Variants in TBC1D22A observed in about 807,000 individuals in gnomAD.
The protein encoded by TBC1D22A is TBC1 domain family member 22A.
Under a neutral mutation model 60.2 loss-of-function variants are expected in TBC1D22A, and 38 were observed. The observed-to-expected ratio is 0.63, with a 90% CI of 0.49 to 0.83. The LOEUF is 0.83. Among genes scored for constraint, TBC1D22A ranks in the 40% least tolerant of loss-of-function variants. The probability of loss-of-function intolerance (pLI) is 0.00; values close to 1 mark genes in which losing one functional copy is unlikely to be tolerated. For synonymous variants in TBC1D22A, 302 were observed against 281.7 expected (o/e 1.07, Z -0.72); for missense variants, 628 against 701.0 (o/e 0.90, Z 1.18).
intron 4 of TBC1D22A, among the ~76,000 whole-genome samples, chr22:46,802,362 GA>G (rs1168128184): frequency 6.6e-6 from 1 of 152,224 alleles, no homozygotes; most frequent in Non-Finnish European, 1.5e-5. Context: ...GTAGAGGCTG[GA>G]GCTGCTCTGC....
At chr22:47,001,275 G>A (rs2061398375) in intron 10 of TBC1D22A, among the ~76,000 whole-genome samples, 1 of 148,010 alleles carries the variant, frequency 6.8e-6, no homozygotes, top group Non-Finnish European at 1.5e-5. Flanking sequence ...AGTTACAACT[G>A]AAATTGTATT....
At chr22:47,134,538 C>T (rs139730444) in intron 12 of TBC1D22A, among the ~76,000 whole-genome samples, 1 of 152,218 alleles carries the variant, frequency 6.6e-6, no homozygotes, top group Non-Finnish European at 1.5e-5. Flanking sequence ...GACAGAGTCA[C>T]TTTTGTGTGC....
intron 8 of TBC1D22A, among the ~76,000 whole-genome samples, chr22:46,967,058 C>T (rs1328520667): frequency 4.6e-5 from 7 of 152,186 alleles, no homozygotes; most frequent in Non-Finnish European, 4.4e-5. Context: ...TCTCGCCCTC[C>T]CACCGTATGC....
intron 4 of TBC1D22A, among the ~76,000 whole-genome samples, chr22:46,830,486 G>A (rs139598): frequency 0.42 from 64,253 of 152,106 alleles, 13,560 homozygotes; most frequent in South Asian, 0.46. Flanking sequence ...TTCCAGCCCT[G>A]GCTGGAAAGT....
intron 9 of TBC1D22A, among the ~76,000 whole-genome samples, chr22:46,981,643 C>G (rs973287624): frequency 6.6e-6 from 1 of 152,184 alleles, no homozygotes; most frequent in Non-Finnish European, 1.5e-5. Flanking sequence ...TCCCTGCTGC[C>G]CTGCAAAGAA....
At chr22:46,933,817 C>G (rs1332988067) in intron 8 of TBC1D22A, among the ~76,000 whole-genome samples, 2 of 152,208 alleles carry the variant, frequency 1.3e-5, no homozygotes, top group African/African-American at 2.4e-5. Flanking sequence ...AATTAAGTAG[C>G]CACACGTGGC....
At chr22:47,090,650 C>T (rs1201970045) in intron 11 of TBC1D22A, among the ~76,000 whole-genome samples, 3 of 152,120 alleles carry the variant, frequency 2.0e-5, no homozygotes, top group East Asian at 1.9e-4. Flanking sequence ...AGGTCTGGGT[C>T]GGTTGCAGTT....
intron 8 of TBC1D22A, among the ~76,000 whole-genome samples, chr22:46,966,132 G>A (rs904208803): frequency 2.6e-5 from 4 of 152,176 alleles, no homozygotes; most frequent in South Asian, 2.1e-4. Flanking sequence ...TCCTCTTTCC[G>A]TCTGTGAACT....
rs187102254 is a variant in TBC1D22A at position 46,929,888 on chromosome 22, T to C, written c.1015+17700T>C. On this transcript the variant is annotated intron_variant, in intron 8 of 12. Coordinates refer to ENST00000337137, the MANE Select transcript of TBC1D22A (RefSeq NM_014346.5). The stretch of plus-strand genomic sequence containing the variant: ...CCTGGACCTGGTGTGCTGGGAACTT[T>C]CCACACAGAACTCTGCTCCTCAGCC... Among the ~76,000 whole-genome samples, 6 of 152,276 alleles carry C rather than the reference T, an allele frequency of 3.9e-5. No individual in the cohort carries two copies. The East Asian group carries it at 5.8e-4, about 15-fold the overall frequency.
At chr22:47,030,294 C>T (rs2062424613) in intron 10 of TBC1D22A, among the ~76,000 whole-genome samples, 1 of 152,170 alleles carries the variant, frequency 6.6e-6, no homozygotes, top group South Asian at 2.1e-4. Flanking sequence ...TTATGCTGCT[C>T]TTCGGGTGAT....
chr22:46,880,500 C>T (rs1387990232), intron 5 of TBC1D22A, among the ~76,000 whole-genome samples: 1 of 152,118 alleles, frequency 6.6e-6, no homozygotes, highest in Non-Finnish European at 1.5e-5. Flanking sequence ...GGGACAGGCA[C>T]ATGTAGTCCT....
chr22:47,037,939 C>G (rs2148400121), intron 11 of TBC1D22A, among the ~76,000 whole-genome samples: 1 of 152,190 alleles, frequency 6.6e-6, no homozygotes, highest in East Asian at 1.9e-4. Flanking sequence ...ATCACAGATT[C>G]AGTGTGTATG....
At chr22:47,086,673 G>A (rs1011328076) in intron 11 of TBC1D22A, among the ~76,000 whole-genome samples, 2 of 152,148 alleles carry the variant, frequency 1.3e-5, no homozygotes, top group Non-Finnish European at 2.9e-5. Context: ...CCCAACAGCA[G>A]AGAGCCGTCA....
At chr22:46,826,885 G>GTCAGCAC (rs906085755) in intron 4 of TBC1D22A, among the ~76,000 whole-genome samples, 1 of 152,044 alleles carries the variant, frequency 6.6e-6, no homozygotes, top group African/African-American at 2.4e-5. Context: ...CTGGCTTGCA[G>GTCAGCAC]TCAGCACTCA....
intron 11 of TBC1D22A, among the ~76,000 whole-genome samples, chr22:47,071,592 GC>G (rs1281326374): frequency 2.0e-5 from 3 of 152,224 alleles, no homozygotes; most frequent in Non-Finnish European, 4.4e-5. Flanking sequence ...CTCGGGGCCG[GC>G]GGGAAAGGAT....
chr22:46,841,560 G>T (rs946059112), intron 4 of TBC1D22A, among the ~76,000 whole-genome samples: 2 of 152,196 alleles, frequency 1.3e-5, no homozygotes, highest in Non-Finnish European at 2.9e-5. Context: ...GATGAGCCTG[G>T]GTGACATTAT....
chr22:46,843,052 TTGG>T (rs2086839645), intron 4 of TBC1D22A, among the ~76,000 whole-genome samples: 2 of 152,182 alleles, frequency 1.3e-5, no homozygotes, highest in African/African-American at 4.8e-5. Context: ...CCTGAGGCAG[TTGG>T]TGGGAAATGG....
intron 4 of TBC1D22A, among the ~76,000 whole-genome samples, chr22:46,815,383 A>T (rs890819952): frequency 5.3e-5 from 8 of 152,146 alleles, no homozygotes; most frequent in African/African-American, 1.7e-4. Flanking sequence ...CCTCTGTATC[A>T]GTGTTTTTGA....
At chr22:46,977,965 C>T (rs1260796710) in intron 9 of TBC1D22A, among the ~76,000 whole-genome samples, 8 of 152,224 alleles carry the variant, frequency 5.3e-5, no homozygotes, top group Non-Finnish European at 7.3e-5. Context: ...AGATCCAAAC[C>T]GTATTAGCGG....
Sources: allele counts gnomAD v4.1 joint callset (sites outside exome capture counted in the v4.1 genomes callset), GRCh38; gene constraint gnomAD v4.1.1; transcripts MANE v1.5; gene names NCBI Gene and HGNC (gene_info 2026-07-23, HGNC 2026-07-21).